Variants in FBXL20 observed in about 807,000 individuals in gnomAD.
FBXL20 encodes F-box and leucine rich repeat protein 20.
In FBXL20, 11 loss-of-function variants were observed where a neutral mutation model predicts 64.0. That is an observed-to-expected ratio of 0.17 (90% CI 0.11 to 0.28). The LOEUF (loss-of-function observed/expected upper bound fraction) is 0.28. Ranked by LOEUF, FBXL20 falls within the 10% of genes least tolerant of loss-of-function variation. The pLI is 1.00. For synonymous variants in FBXL20, 184 were observed against 189.0 expected, an observed-to-expected ratio of 0.97 and a Z score of 0.22; for missense variants, 303 against 526.2, an observed-to-expected ratio of 0.58 and a Z score of 4.15.
chr17:39,297,996 C>A (rs143500400), intron 5 of FBXL20, among the ~76,000 whole-genome samples: 1 of 152,288 alleles, frequency 6.6e-6, no homozygotes, highest in East Asian at 1.9e-4. Context: ...ATCAGCCTTT[C>A]AAAGTGCTGA....
intron 1 of FBXL20, among the ~76,000 whole-genome samples, chr17:39,379,207 G>A (rs906658816): frequency 6.0e-5 from 9 of 149,762 alleles, no homozygotes; most frequent in East Asian, 5.9e-4. Flanking sequence ...GTGAAACTCC[G>A]TCTCAAAAAA....
chr17:39,392,294 G>C (rs565229232), intron 1 of FBXL20, among the ~76,000 whole-genome samples: 2 of 151,836 alleles, frequency 1.3e-5, no homozygotes, highest in Non-Finnish European at 2.9e-5. Context: ...ACAAAAATTA[G>C]TTGGGCATCA....
chr17:39,368,829 G>C (rs1378807876), intron 1 of FBXL20, among the ~76,000 whole-genome samples: 1 of 151,898 alleles, frequency 6.6e-6, no homozygotes, highest in Non-Finnish European at 1.5e-5. Context: ...CTAATTTTTT[G>C]TATTTTTAGT....
intron 3 of FBXL20, 50 bp downstream of exon 3, chr17:39,303,535 T>A (rs1358095286): frequency 1.2e-5 from 17 of 1,477,504 alleles, no homozygotes; most frequent in Non-Finnish European, 1.6e-5. Flanking sequence ...GAGGCTGTTA[T>A]CATCAGTATG....
chr17:39,383,880 G>A (rs866577677), intron 1 of FBXL20, among the ~76,000 whole-genome samples: 8 of 150,636 alleles, frequency 5.3e-5, no homozygotes, highest in African/African-American at 1.2e-4. Flanking sequence ...GTGAGCCACC[G>A]TGCCGGGCTA....
intron 1 of FBXL20, among the ~76,000 whole-genome samples, chr17:39,396,556 A>G (rs2048185184): frequency 6.7e-6 from 1 of 149,608 alleles, no homozygotes; most frequent in Non-Finnish European, 1.5e-5. Context: ...AGATCGCACC[A>G]TTGCACTCTG....
intron 1 of FBXL20, among the ~76,000 whole-genome samples, chr17:39,387,845 T>C (rs901015813): frequency 6.6e-6 from 1 of 152,168 alleles, no homozygotes; most frequent in Admixed American, 6.6e-5. Flanking sequence ...CGCAAAGTGC[T>C]GGGGTTACAG....
chr17:39,261,661 A>G, intron 14 of FBXL20, 94 bp from the exon 15 acceptor site: 1 of 905,518 alleles, frequency 1.1e-6, no homozygotes, highest in Non-Finnish European at 1.7e-6. Flanking sequence ...GGCTCAATGA[A>G]CATAAAAGCA....
At chr17:39,327,729 C>G (rs956792044) in intron 2 of FBXL20, among the ~76,000 whole-genome samples, 1 of 152,074 alleles carries the variant, frequency 6.6e-6, no homozygotes, top group African/African-American at 2.4e-5. Flanking sequence ...AAGACGGAAT[C>G]TCGCTCTGTC....
At chr17:39,362,909 C>T (rs35953148) in intron 1 of FBXL20, among the ~76,000 whole-genome samples, 6,895 of 152,182 alleles carry the variant, frequency 0.045, 522 homozygotes, top group African/African-American at 0.16. Context: ...TGAGCCACTG[C>T]GCCTGGCCTA....
intron 2 of FBXL20, among the ~76,000 whole-genome samples, chr17:39,335,582 CAAAAAAAA>C (rs36023380): frequency 2.6e-5 from 2 of 77,354 alleles, no homozygotes; most frequent in Non-Finnish European, 2.5e-5. Flanking sequence ...GACTCCGTCT[CAAAAAAAA>C]AAAAAAAAAA....
chr17:39,272,462 CTT>C (rs2144360484), intron 10 of FBXL20, among the ~76,000 whole-genome samples: 1 of 149,330 alleles, frequency 6.7e-6, no homozygotes, highest in African/African-American at 2.5e-5. Flanking sequence ...AATCCCAGAA[CTT>C]TGGGAGGGCA....
At chr17:39,401,845 T>A, upstream of FBXL20, 1 of 449,562 alleles carries the variant, frequency 2.2e-6, no homozygotes, top group Non-Finnish European at 3.2e-6. Context: ...CACGACCCCC[T>A]GCGCCTCCGA....
At chr17:39,300,714 T>G (rs753860292) in intron 4 of FBXL20, among the ~76,000 whole-genome samples, 9 of 152,186 alleles carry the variant, frequency 5.9e-5, no homozygotes, top group Non-Finnish European at 1.2e-4. Context: ...AAACATAGAT[T>G]CAATGTTTCC....
intron 2 of FBXL20, among the ~76,000 whole-genome samples, chr17:39,337,948 G>A (rs1410227208): frequency 2.0e-5 from 3 of 151,118 alleles, no homozygotes; most frequent in South Asian, 2.1e-4. Flanking sequence ...CAGCTGCCCC[G>A]TCCGGGAGGT....
At chr17:39,315,711 G>A (rs556020930) in intron 2 of FBXL20, among the ~76,000 whole-genome samples, 5 of 152,066 alleles carry the variant, frequency 3.3e-5, no homozygotes, top group East Asian at 3.9e-4. Flanking sequence ...AACCTAGTGC[G>A]GGCTTTAGAA....
At chr17:39,341,975 A>C (rs2144568999) in intron 2 of FBXL20, among the ~76,000 whole-genome samples, 1 of 152,318 alleles carries the variant, frequency 6.6e-6, no homozygotes, top group South Asian at 2.1e-4. Context: ...ATTTCAGGAA[A>C]TGTTATCTCT....
chr17:39,316,566 C>A (rs1044410834), intron 2 of FBXL20, among the ~76,000 whole-genome samples: 7 of 152,182 alleles, frequency 4.6e-5, no homozygotes, highest in Non-Finnish European at 1.0e-4. Flanking sequence ...CTTGAAGGGG[C>A]TTCCACTGGC....
intron 1 of FBXL20, among the ~76,000 whole-genome samples, chr17:39,394,340 T>C (rs2048162314): frequency 6.7e-6 from 1 of 149,840 alleles, no homozygotes; most frequent in Non-Finnish European, 1.5e-5. Context: ...GTGCTGTGGC[T>C]CGGCTCACTG....
Sources: allele counts gnomAD v4.1 joint callset (sites outside exome capture counted in the v4.1 genomes callset), GRCh38; gene constraint gnomAD v4.1.1; transcripts MANE v1.5; gene names NCBI Gene and HGNC (gene_info 2026-07-23, HGNC 2026-07-21).